Variants in LRRTM2 observed in about 807,000 individuals in gnomAD.
The protein encoded by LRRTM2 is leucine-rich repeat transmembrane neuronal protein 2.
LRRTM2 carries 14 observed loss-of-function variants against 40.7 expected under a neutral mutation model. The observed-to-expected ratio is 0.34, with a 90% confidence interval of 0.23 to 0.54. The LOEUF is 0.54. LRRTM2 is among the 20% of genes least tolerant of loss of function. LRRTM2 has a pLI of 0.92. For synonymous variants in LRRTM2, 223 were observed against 237.6 expected, an observed-to-expected ratio of 0.94 and a Z score of 0.57; for missense variants, 468 against 624.4, an observed-to-expected ratio of 0.75 and a Z score of 2.67.
In LRRTM2 at chr5:138,874,288, G is replaced by A. The variant is rs746671869; in HGVS notation, c.273C>T (p.His91=). 5 of 1,614,026 alleles carry A rather than the reference G, an allele frequency of 3.1e-6. No homozygotes were observed. Among genetic ancestry groups the A allele is most frequent in the Non-Finnish European group, 4.2e-6 (5 of 1,179,906 alleles). ...FASFSQLTWL[H]LDHNQISTVK... ...CTGTTGAAATTTGATTGTGATCTAAGTGGAGCCAAGTAAGTTGACTGAAGC... is the reference window on the plus strand; with the variant it reads ...CTGTTGAAATTTGATTGTGATCTAAATGGAGCCAAGTAAGTTGACTGAAGC... The change falls in exon 2 of 2, where the codon CAC becomes CAT. Residue 91 remains histidine (H), a synonymous_variant. Coordinates refer to ENST00000274711, the MANE Select transcript of LRRTM2 (RefSeq NM_015564.3). This position sits in a 1 kb window ranked among gnomAD's most constrained non-coding sequence, Gnocchi z 4.1.
chr5:138,873,727 A>G lies in LRRTM2; in HGVS notation c.834T>C (p.Asn278=), dbSNP rs573302101. 9.3e-6 allele frequency: 15 copies of G among 1,613,998 alleles called. No individual in the cohort carries two copies. The highest frequency in any genetic ancestry group is 1.7e-5 in the Admixed American group (1 of 60,030). Residue 278 remains asparagine, a synonymous_variant, in exon 2 of 2, where the codon AAT becomes AAC. Coordinates refer to ENST00000274711, the MANE Select transcript of LRRTM2 (RefSeq NM_015564.3). The surrounding 1 kb of genome is among the most constrained non-coding windows in gnomAD (Gnocchi z 6.1). ...IDLTVFETMP[N]LKILLMDNNK... Reference sequence around the variant, plus strand: ...TGTTATCCATGAGGAGTATTTTAAGATTGGGCATCGTTTCAAACACTGTCA... The same window carrying G: ...TGTTATCCATGAGGAGTATTTTAAGGTTGGGCATCGTTTCAAACACTGTCA...
rs1330996116 is a variant in LRRTM2 at position 138,869,058 on chromosome 5, C to T, written c.*3952G>A. The T allele has an allele frequency of 6.6e-6, 1 of 150,742 alleles. No individual in the cohort carries two copies. Among genetic ancestry groups the T allele is most frequent in the Non-Finnish European group, 1.5e-5 (1 of 67,770 alleles). 9.3% of individuals were successfully genotyped at this position (150,742 alleles called of 1,614,324 possible). A position where few individuals can be genotyped will look rare whatever the true frequency, so the allele number is the denominator to read the frequency against. Reference sequence around the variant, plus strand: ...CTCAACCCATCTGCCCACCTCCCACCCAAAAAGAAAAATGGCTCTTGAAGG... The same window carrying T: ...CTCAACCCATCTGCCCACCTCCCACTCAAAAAGAAAAATGGCTCTTGAAGG... On this transcript the variant is annotated 3_prime_UTR_variant, in exon 2 of 2. Transcript: ENST00000274711.
rs1329306388 is a variant in LRRTM2 at position 138,869,364 on chromosome 5, GTCTC to G, written c.*3642_*3645del. 6.8e-6 allele frequency: 1 copy of G among 147,738 alleles called. No homozygotes were observed. Among genetic ancestry groups the G allele is most frequent in the South Asian group, 2.1e-4 (1 of 4,672 alleles). The allele number at this position is 147,738 out of a possible 1,614,324, so 9.2% of individuals were successfully genotyped here. A position where few individuals can be genotyped will look rare whatever the true frequency, so the allele number is the denominator to read the frequency against. On this transcript the variant is annotated 3_prime_UTR_variant, in exon 2 of 2. Transcript: ENST00000274711. ...TTAATTATCTATAGATGGCCTTACT[GTCTC>G]TCTCTCTTTTTTTTTTTTTTTCCTG...
rs747927753 is a variant in LRRTM2, at chr5:138,874,068, G to A, written c.493C>T (p.Arg165Cys). 5.0e-6 allele frequency: 8 copies of A among 1,613,838 alleles called. No individual in the cohort carries two copies. The Admixed American group carries it at 5.0e-5, about 10-fold the overall frequency. The change falls in exon 2 of 2, where the codon CGT becomes TGT. Residue 165 changes from arginine to cysteine, a missense_variant. Coordinates refer to ENST00000274711, the MANE Select transcript of LRRTM2 (RefSeq NM_015564.3). The surrounding 1 kb of genome is among the most constrained non-coding windows in gnomAD (Gnocchi z 4.1). ...GGGATAGTCCGCAGGGAGTTGGAAC[G>A]TAAATGCAAGGTCTGCAGCTTCCGA... ...GLRKLQTLHL[R>C]SNSLRTIPVR...
At position 138,868,977 on chromosome 5, in the gene LRRTM2, T is replaced by G. The variant is rs1301021024; in HGVS notation, c.*4033A>C. On this transcript the variant is annotated 3_prime_UTR_variant, in exon 2 of 2. Transcript: ENST00000274711. The stretch of plus-strand genomic sequence containing the variant: ...ACAAAACTTGCCTGTACACTGCTCT[T>G]TATGTTACCCTCCCCCCTCCCAAAA... 2 of 151,996 alleles carry G rather than the reference T, an allele frequency of 1.3e-5. No individual in the cohort carries two copies. The highest frequency in any genetic ancestry group is 4.8e-5 in the African/African-American group (2 of 41,380). The allele number at this position is 151,996 out of a possible 1,614,324, so 9.4% of individuals were successfully genotyped here.
rs1750647640 is a variant in LRRTM2 at position 138,871,737 on chromosome 5, C to T, written c.*1273G>A. The T allele has an allele frequency of 6.6e-6, 1 of 152,206 alleles. No homozygotes were observed. Among genetic ancestry groups the T allele is most frequent in the South Asian group, 2.1e-4 (1 of 4,830 alleles). The allele number at this position is 152,206 out of a possible 1,614,324, so 9.4% of individuals were successfully genotyped here. On this transcript the variant is annotated 3_prime_UTR_variant, in exon 2 of 2. Transcript: ENST00000274711. ...TGCATAGGCATGTCGAGTTGTTCTGCCATGAGATTCATCTCAGTGGTGCTG... is the reference window on the plus strand; with the variant it reads ...TGCATAGGCATGTCGAGTTGTTCTGTCATGAGATTCATCTCAGTGGTGCTG...
In LRRTM2 at chr5:138,872,645, C is replaced by A. The variant is rs778488439; in HGVS notation, c.*365G>T. 2.4e-4 allele frequency: 40 copies of A among 167,412 alleles called. No individual in the cohort carries two copies. The highest frequency in any genetic ancestry group is 4.0e-4 in the Non-Finnish European group (31 of 77,688). The allele number at this position is 167,412 out of a possible 1,614,324, so 10.4% of individuals were successfully genotyped here. The stretch of plus-strand genomic sequence containing the variant: ...GAGCAGTGATCAAACAGGTATTGAT[C>A]TATATCTGTTTCTGCCCAATAGCTT... On this transcript the variant is annotated 3_prime_UTR_variant, in exon 2 of 2. Coordinates refer to ENST00000274711, the MANE Select transcript of LRRTM2 (RefSeq NM_015564.3).
In LRRTM2 at chr5:138,872,427, G is replaced by A. The variant is rs1340845304; in HGVS notation, c.*583C>T. ...GTTCTGAATTCATGATATGGACTTTGATAATATCTACTAACCCAGGCAGAA... is the reference window on the plus strand; with the variant it reads ...GTTCTGAATTCATGATATGGACTTTAATAATATCTACTAACCCAGGCAGAA... On this transcript the variant is annotated 3_prime_UTR_variant, in exon 2 of 2. Coordinates refer to ENST00000274711, the MANE Select transcript of LRRTM2 (RefSeq NM_015564.3). 3 of 152,468 alleles carry A rather than the reference G, an allele frequency of 2.0e-5. No individual in the cohort carries two copies. Among genetic ancestry groups the A allele is most frequent in the African/African-American group, 7.2e-5 (3 of 41,420 alleles). The allele number at this position is 152,468 out of a possible 1,614,324, so 9.4% of individuals were successfully genotyped here. A position where few individuals can be genotyped will look rare whatever the true frequency, so the allele number is the denominator to read the frequency against.
Position 138,875,259 on chromosome 5 carries a change from G to A in LRRTM2, c.-348C>T. 2.7e-6 allele frequency: 1 copy of A among 371,174 alleles called. No individual in the cohort carries two copies. The highest frequency in any genetic ancestry group is 2.2e-5 in the African/African-American group (1 of 46,428). The allele number at this position is 371,174 out of a possible 1,614,324, so 23.0% of individuals were successfully genotyped here. On this transcript the variant is annotated 5_prime_UTR_variant, in exon 1 of 2. Coordinates refer to ENST00000274711, the MANE Select transcript of LRRTM2 (RefSeq NM_015564.3). ...TTAACTTGTTGATGGCAGATGGGTG[G>A]CTTGTTGCAGAGAAGAGCTCCTGGA...
rs1490714747 is a variant in LRRTM2 at position 138,873,970 on chromosome 5, A to G, written c.591T>C (p.Ala197=). ...TAATTAATCCTGCAAATCCATTGCG[A>G]GCCAAACTTCGCAAACGATTTGTGC... ...DLSTNRLRSL[A]RNGFAGLIKL... The change falls in exon 2 of 2, where the codon GCT becomes GCC. Residue 197 remains alanine (A), a synonymous_variant. Transcript: ENST00000274711. The surrounding 1 kb of genome is among the most constrained non-coding windows in gnomAD (Gnocchi z 6.1). 2.5e-6 allele frequency: 4 copies of G among 1,614,008 alleles called. No homozygotes were observed. The East Asian group carries it at 6.7e-5, about 27-fold the overall frequency.
Position 138,872,347 on chromosome 5 carries a change from T to A in LRRTM2, c.*663A>T, listed in dbSNP as rs1280048239. On this transcript the variant is annotated 3_prime_UTR_variant, in exon 2 of 2. Coordinates refer to ENST00000274711, the MANE Select transcript of LRRTM2 (RefSeq NM_015564.3). ...TGAGACCTTTTCACAGTCACTTGGA[T>A]TCATTGTGTAAATATATTAAAGAGT... The A allele has an allele frequency of 1.3e-5, 2 of 152,594 alleles. No homozygotes were observed. The highest frequency in any genetic ancestry group is 4.8e-5 in the African/African-American group (2 of 41,442). The allele number at this position is 152,594 out of a possible 1,614,324, so 9.5% of individuals were successfully genotyped here.
rs1420146334 is a variant in LRRTM2 at position 138,872,958 on chromosome 5, A to G, written c.*52T>C. 16 of 1,322,706 alleles carry G rather than the reference A, an allele frequency of 1.2e-5. No homozygotes were observed. The highest frequency in any genetic ancestry group is 4.4e-5 in the South Asian group (3 of 68,062). The allele number at this position is 1,322,706 out of a possible 1,614,324, so 81.9% of individuals were successfully genotyped here. On this transcript the variant is annotated 3_prime_UTR_variant, in exon 2 of 2. Transcript: ENST00000274711. Reference sequence around the variant, plus strand: ...AAAATTAGATATGTATTTAGCCTCTACTATGTAAAATAGGTTACTTATCTG... The same window carrying G: ...AAAATTAGATATGTATTTAGCCTCTGCTATGTAAAATAGGTTACTTATCTG...
rs1751067170 is a variant in LRRTM2 at position 138,874,483 on chromosome 5, C to G, written c.78G>C (p.Met26Ile). The change falls in exon 2 of 2, where the codon ATG becomes ATC. Residue 26 changes from methionine (M) to isoleucine (I), a missense_variant. Physicochemically the swap from Met to Ile is conservative, Grantham distance 10 (BLOSUM62 1). Coordinates refer to ENST00000274711, the MANE Select transcript of LRRTM2 (RefSeq NM_015564.3). The surrounding 1 kb of genome is among the most constrained non-coding windows in gnomAD (Gnocchi z 4.1). Reference sequence around the variant, plus strand: ...GACACGCCATACCCAGGGCAGGCAGCATTTTTAAAACCATACTCATTGCAT... The same window carrying G: ...GACACGCCATACCCAGGGCAGGCAGGATTTTTAAAACCATACTCATTGCAT... ...AIYAMSMVLK[M>I]LPALGMACPP... 6.2e-7 allele frequency: 1 copy of G among 1,611,962 alleles called. No homozygotes were observed. Among genetic ancestry groups the G allele is most frequent in the African/African-American group, 1.3e-5 (1 of 75,014 alleles).
In LRRTM2 at chr5:138,874,287, A is replaced by G. The variant is rs964656424; in HGVS notation, c.274T>C (p.Leu92=). The G allele has an allele frequency of 1.9e-6, 3 of 1,614,040 alleles. No homozygotes were observed. The highest frequency in any genetic ancestry group is 3.3e-5 in the Admixed American group (2 of 60,028). ...ACTGTTGAAATTTGATTGTGATCTAAGTGGAGCCAAGTAAGTTGACTGAAG... is the reference window on the plus strand; with the variant it reads ...ACTGTTGAAATTTGATTGTGATCTAGGTGGAGCCAAGTAAGTTGACTGAAG... The part of the protein sequence containing the change: ...ASFSQLTWLH[L]DHNQISTVKE... Residue 92 remains leucine, a synonymous_variant, in exon 2 of 2, where the codon TTA becomes CTA. Coordinates refer to ENST00000274711, the MANE Select transcript of LRRTM2 (RefSeq NM_015564.3). The surrounding 1 kb of genome is among the most constrained non-coding windows in gnomAD (Gnocchi z 4.1).
rs778111595 is a variant in LRRTM2 at position 138,874,882 on chromosome 5, C to T, written c.4+26G>A. ...AAAGCGTGATTCCTTGTTGAATGTA[C>T]AAGACATATAAATGCACAGACTTAC... On this transcript the variant is annotated intron_variant, in intron 1 of 1. Transcript: ENST00000274711. This position sits in a 1 kb window ranked among gnomAD's most constrained non-coding sequence, Gnocchi z 4.1. 6.2e-7 allele frequency: 1 copy of T among 1,605,798 alleles called. No homozygotes were observed. Among genetic ancestry groups the T allele is most frequent in the South Asian group, 1.1e-5 (1 of 89,894 alleles).
Position 138,874,033 on chromosome 5 carries a change from C to T in LRRTM2, c.528G>A (p.Leu176=), listed in dbSNP as rs1231769604. 1 of 1,614,012 alleles carries T rather than the reference C, an allele frequency of 6.2e-7. No individual in the cohort carries two copies. ...SNSLRTIPVR[L]FWDCRSLEFL... ...ACTCCAGACTACGACAGTCCCAGAA[C>T]AGGCGTACTGGGATAGTCCGCAGGG... Residue 176 remains leucine (L), a synonymous_variant, in exon 2 of 2, where the codon CTG becomes CTA. Coordinates refer to ENST00000274711, the MANE Select transcript of LRRTM2 (RefSeq NM_015564.3). The surrounding 1 kb of genome is among the most constrained non-coding windows in gnomAD (Gnocchi z 4.1).
rs944598828 is a variant in LRRTM2 at position 138,874,745 on chromosome 5, A to G, written c.4+163T>C. On this transcript the variant is annotated intron_variant, in intron 1 of 1. Transcript: ENST00000274711. The surrounding 1 kb of genome is among the most constrained non-coding windows in gnomAD (Gnocchi z 4.1). ...GGACCAAAACTTAAGCCATTTAAAA[A>G]GAAGATAAAACATGTCTCTGTCATC... 2.0e-5 allele frequency among the ~76,000 whole-genome samples: 3 copies of G among 152,236 alleles called. No individual in the cohort carries two copies. Among genetic ancestry groups the G allele is most frequent in the Admixed American group, 2.0e-4 (3 of 15,288 alleles).
In LRRTM2 at chr5:138,873,199, T is replaced by C. The variant is rs767381983; in HGVS notation, c.1362A>G (p.Arg454=). The change falls in exon 2 of 2, where the codon AGA becomes AGG. Residue 454 remains arginine, a synonymous_variant. Coordinates refer to ENST00000274711, the MANE Select transcript of LRRTM2 (RefSeq NM_015564.3). The surrounding 1 kb of genome is among the most constrained non-coding windows in gnomAD (Gnocchi z 6.1). The part of the protein sequence containing the change: ...SRKCCPPTLR[R]IRQCSMVQNH... The stretch of plus-strand genomic sequence containing the variant: ...TCTGAACCATTGAGCACTGCCTAAT[T>C]CTTCTTAAAGTGGGAGGGCAGCACT... The C allele has an allele frequency of 6.2e-7, 1 of 1,613,858 alleles. No homozygotes were observed. Among genetic ancestry groups the C allele is most frequent in the African/African-American group, 1.3e-5 (1 of 74,910 alleles).
At position 138,873,212 on chromosome 5, in the gene LRRTM2, G is replaced by C; in HGVS notation, c.1349C>G (p.Pro450Arg). The C allele has an allele frequency of 8.1e-6, 13 of 1,613,826 alleles. No individual in the cohort carries two copies. Among genetic ancestry groups the C allele is most frequent in the Non-Finnish European group, 1.1e-5 (13 of 1,179,846 alleles). Residue 450 changes from proline (P) to arginine (R), a missense_variant, in exon 2 of 2, where the codon CCC (proline) becomes CGC (arginine). Physicochemically the swap from Pro to Arg is moderately radical, Grantham distance 103. Coordinates refer to ENST00000274711, the MANE Select transcript of LRRTM2 (RefSeq NM_015564.3). The surrounding 1 kb of genome is among the most constrained non-coding windows in gnomAD (Gnocchi z 6.1). Reference protein sequence around the residue: ...IVFISRKCCPPTLRRIRQCSM... With the variant: ...IVFISRKCCPRTLRRIRQCSM... The stretch of plus-strand genomic sequence containing the variant: ...GCACTGCCTAATTCTTCTTAAAGTG[G>C]GAGGGCAGCACTTCCTGGAGATGAA...
Sources: gnomAD v4.1 joint callset for allele counts (sites outside exome capture counted in the v4.1 genomes callset) on GRCh38, gnomAD v4.1.1 for gene constraint, Gnocchi (gnomAD v3.1) non-coding constraint, MANE v1.5 for transcripts, NCBI Gene and HGNC (gene_info 2026-07-23, HGNC 2026-07-21) for gene names.